CFAP299: variants seen among roughly 807,000 people sequenced by gnomAD.
CFAP299 encodes cilia and flagella associated protein 299, also known as cilia- and flagella-associated protein 299.
Under a neutral mutation model 27.0 loss-of-function variants are expected in CFAP299, and 21 were observed. The observed-to-expected ratio is 0.78, with a 90% confidence interval of 0.55 to 1.12. The LOEUF (loss-of-function observed/expected upper bound fraction) is 1.12. Ranked by LOEUF, CFAP299 falls within the 50% of genes most tolerant of loss-of-function variation. The pLI is 0.00. For synonymous variants in CFAP299, 104 were observed against 98.1 expected (o/e 1.06, Z -0.36); for missense variants, 310 against 276.6 (o/e 1.12, Z -0.86).
intron 2 of CFAP299, among the ~76,000 whole-genome samples, chr4:80,561,313 T>G (rs766375478): frequency 6.6e-6 from 1 of 152,156 alleles, no homozygotes; most frequent in Non-Finnish European, 1.5e-5. Flanking sequence ...CAAGTCCTTT[T>G]AGATATCTGA....
chr4:80,494,997 G>C (rs561988801), intron 2 of CFAP299, among the ~76,000 whole-genome samples: 1 of 152,288 alleles, frequency 6.6e-6, no homozygotes, highest in South Asian at 2.1e-4. Context: ...TCCAGTATCT[G>C]AATTTAATTC....
chr4:80,839,053 G>A (rs1730722805), intron 3 of CFAP299, among the ~76,000 whole-genome samples: 1 of 152,132 alleles, frequency 6.6e-6, no homozygotes, highest in Non-Finnish European at 1.5e-5. Flanking sequence ...CATACAAGCT[G>A]CACTATTGTT....
chr4:80,493,289 A>G (rs972105467), intron 2 of CFAP299, among the ~76,000 whole-genome samples: 23 of 152,216 alleles, frequency 1.5e-4, no homozygotes, highest in Non-Finnish European at 1.5e-5. Flanking sequence ...GTGCACACTC[A>G]CCGATGGTGG....
chr4:80,436,877 C>T (rs1012272604), intron 2 of CFAP299, among the ~76,000 whole-genome samples: 3 of 151,970 alleles, frequency 2.0e-5, no homozygotes, highest in African/African-American at 7.3e-5. Flanking sequence ...TTTTGGGTCT[C>T]GTAACAGTCA....
intron 2 of CFAP299, among the ~76,000 whole-genome samples, chr4:80,407,864 T>G (rs2110057502): frequency 6.6e-6 from 1 of 152,312 alleles, no homozygotes; most frequent in Non-Finnish European, 1.5e-5. Context: ...ATATTTTAAA[T>G]TTTAGTTGTT....
rs186014675 is a variant in CFAP299 at position 80,639,547 on chromosome 4, A to G, written c.333+56364A>G. ...AAAATCATTAAACCACATTTGAGAA[A>G]AAGGACAAGTGTTGTGTGATTCCAC... On this transcript the variant is annotated intron_variant, in intron 3 of 5. Transcript: ENST00000358105. 1.4e-3 allele frequency among the ~76,000 whole-genome samples: 207 copies of G among 152,330 alleles called. 1 individual carries two copies. The highest frequency in any genetic ancestry group is 4.7e-3 in the African/African-American group (195 of 41,584).
At chr4:80,931,660 GGCTT>G (rs1164890187) in intron 4 of CFAP299, among the ~76,000 whole-genome samples, 7 of 151,938 alleles carry the variant, frequency 4.6e-5, no homozygotes, top group African/African-American at 7.3e-5. Flanking sequence ...TGCACAGGGA[GGCTT>G]TATTTCAATC....
intron 2 of CFAP299, among the ~76,000 whole-genome samples, chr4:80,569,093 G>T (rs773681864): frequency 3.3e-5 from 5 of 152,040 alleles, no homozygotes; most frequent in Non-Finnish European, 5.9e-5. Context: ...AGGGTGAGAA[G>T]AGCTTCCTAC....
chr4:80,627,874 T>G (rs373343319), intron 3 of CFAP299, among the ~76,000 whole-genome samples: 1 of 152,052 alleles, frequency 6.6e-6, no homozygotes, highest in African/African-American at 2.4e-5. Context: ...GTTCATAGAT[T>G]GGAAGATTTA....
At chr4:80,912,003 T>C (rs1325145000) in intron 4 of CFAP299, among the ~76,000 whole-genome samples, 2 of 152,168 alleles carry the variant, frequency 1.3e-5, no homozygotes, top group Non-Finnish European at 2.9e-5. Flanking sequence ...AGCTGACCTC[T>C]GGGCACTAAA....
chr4:80,604,874 G>C, intron 3 of CFAP299, among the ~76,000 whole-genome samples: 1 of 122,246 alleles, frequency 8.2e-6, no homozygotes, highest in East Asian at 2.5e-4. Context: ...CTTGTCCCCA[G>C]AGGACAATAT....
chr4:80,868,298 T>C (rs1472250948), intron 3 of CFAP299, among the ~76,000 whole-genome samples: 1 of 152,226 alleles, frequency 6.6e-6, no homozygotes, highest in Admixed American at 6.5e-5. Context: ...GCCTGAAATA[T>C]ATCCTGCAGA....
At chr4:80,889,868 A>C (rs1734170228) in intron 4 of CFAP299, among the ~76,000 whole-genome samples, 1 of 152,148 alleles carries the variant, frequency 6.6e-6, no homozygotes, top group African/African-American at 2.4e-5. Context: ...AATGAAGGAC[A>C]AAAAACATAT....
At position 80,471,807 on chromosome 4, in the gene CFAP299, G is replaced by A. The variant is rs1324918874; in HGVS notation, c.242+108923G>A. 3.3e-5 allele frequency among the ~76,000 whole-genome samples: 5 copies of A among 152,184 alleles called. No homozygotes were observed. The East Asian group carries it at 9.6e-4, about 29-fold the overall frequency. On this transcript the variant is annotated intron_variant, in intron 2 of 5. Transcript: ENST00000358105. ...TTCAGACTCCACAGCGTGACTGCCA[G>A]TGTTTCTGTAACTGCGAGATGGGAG...
chr4:80,789,918 G>A (rs72879939), intron 3 of CFAP299, among the ~76,000 whole-genome samples: 8,072 of 151,726 alleles, frequency 0.053, 495 homozygotes, highest in African/African-American at 0.15. Flanking sequence ...CTTTATATTC[G>A]ACCACTAGTA....
At chr4:80,854,012 T>G (rs931132060) in intron 3 of CFAP299, among the ~76,000 whole-genome samples, 2 of 152,122 alleles carry the variant, frequency 1.3e-5, no homozygotes, top group African/African-American at 4.8e-5. Context: ...AACTGGTGTG[T>G]GAATGCAGAC....
chr4:80,869,885 C>A, intron 3 of CFAP299, 108 bp from the exon 4 acceptor site: 2 of 1,055,344 alleles, frequency 1.9e-6, no homozygotes, highest in Non-Finnish European at 2.7e-6. Context: ...AGAAGCCCTG[C>A]TTCCTATGGT....
chr4:80,503,548 A>G (rs1281578094), intron 2 of CFAP299, among the ~76,000 whole-genome samples: 4 of 152,162 alleles, frequency 2.6e-5, no homozygotes, highest in African/African-American at 9.6e-5. Context: ...AACTGGAATC[A>G]GAATCCTGAT....
At chr4:80,494,157 A>T (rs963097308) in intron 2 of CFAP299, among the ~76,000 whole-genome samples, 4 of 152,144 alleles carry the variant, frequency 2.6e-5, no homozygotes, top group Non-Finnish European at 4.4e-5. Flanking sequence ...GCATTTCTGA[A>T]TCAGCTGGTT....
Sources: gnomAD v4.1 joint callset for allele counts (sites outside exome capture counted in the v4.1 genomes callset) on GRCh38, gnomAD v4.1.1 for gene constraint, MANE v1.5 for transcripts, NCBI Gene and HGNC (gene_info 2026-07-23, HGNC 2026-07-21) for gene names.